The following WDR47 variants were observed in gnomAD, a reference collection of about 807,000 sequenced individuals.
The protein encoded by WDR47 is WD repeat-containing protein 47.
A neutral mutation model predicts 97.2 loss-of-function variants in WDR47; 32 were observed. That is an observed-to-expected ratio of 0.33 (90% CI 0.25 to 0.44). The LOEUF is 0.44. Ranked by LOEUF, WDR47 falls within the 20% of genes least tolerant of loss-of-function variation. The pLI is 1.00. For synonymous variants in WDR47, 375 were observed against 373.5 expected (o/e 1.00, Z -0.05); for missense variants, 782 against 1,102.3 (o/e 0.71, Z 4.11).
chr1:109,041,009 CA>C (rs540629928), intron 1 of WDR47, among the ~76,000 whole-genome samples: 76 of 127,686 alleles, frequency 6.0e-4, no homozygotes, highest in South Asian at 1.0e-3. Context: ...ACCAAGTTGC[CA>C]AAAAAAAAAA....
At chr1:109,012,554 CAG>C (rs1434462407) in intron 4 of WDR47, among the ~76,000 whole-genome samples, 2 of 88,816 alleles carry the variant, frequency 2.3e-5, no homozygotes, top group African/African-American at 9.7e-5. Flanking sequence ...GCCTGGGTGA[CAG>C]TGTGAGACTC....
chr1:109,035,364 G>A (rs891140337), intron 1 of WDR47, among the ~76,000 whole-genome samples: 1 of 151,932 alleles, frequency 6.6e-6, no homozygotes, highest in Non-Finnish European at 1.5e-5. Context: ...CAGGGATCTA[G>A]GAGAAGAAAA....
At chr1:108,998,677 C>T (rs183964177) in intron 7 of WDR47, among the ~76,000 whole-genome samples, 165 of 152,114 alleles carry the variant, frequency 1.1e-3, no homozygotes, top group Non-Finnish European at 1.8e-3. Flanking sequence ...AATAAAATTC[C>T]TATCATGCTA....
chr1:109,012,588 A>AAAC (rs1325494590), intron 4 of WDR47, among the ~76,000 whole-genome samples: 5 of 151,274 alleles, frequency 3.3e-5, no homozygotes, highest in African/African-American at 1.2e-4. Flanking sequence ...AAAAAAAAAA[A>AAAC]AACAGAAAGG....
chr1:108,983,256 C>G (rs1658485853), intron 11 of WDR47, 26 bp downstream of exon 11: 1 of 1,576,142 alleles, frequency 6.3e-7, no homozygotes, highest in African/African-American at 1.4e-5. Context: ...GGTAAGCTAG[C>G]TACTGCTTAC....
At chr1:109,010,671 C>T (rs569321279) in intron 5 of WDR47, among the ~76,000 whole-genome samples, 2 of 150,846 alleles carry the variant, frequency 1.3e-5, no homozygotes, top group Non-Finnish European at 2.9e-5. Context: ...CAAGCTCCCC[C>T]TCCCGGGTTC....
intron 2 of WDR47, among the ~76,000 whole-genome samples, chr1:109,021,214 A>G (rs771401573): frequency 4.6e-5 from 7 of 152,168 alleles, no homozygotes; most frequent in Non-Finnish European, 1.0e-4. Flanking sequence ...ATCTTGTCCT[A>G]AGGAAATAAT....
chr1:109,034,586 C>T (rs1662808104), intron 1 of WDR47, among the ~76,000 whole-genome samples: 2 of 152,140 alleles, frequency 1.3e-5, no homozygotes, highest in African/African-American at 4.8e-5. Flanking sequence ...GTCTGAGTCC[C>T]GCTCCTGTTA....
chr1:109,029,091 C>T (rs1427438737), intron 1 of WDR47, among the ~76,000 whole-genome samples: 1 of 152,174 alleles, frequency 6.6e-6, no homozygotes, highest in Admixed American at 6.6e-5. Context: ...TTAACATACA[C>T]TGAAATTAAT....
chr1:108,994,572 C>T (rs1299736971), intron 8 of WDR47, among the ~76,000 whole-genome samples: 2 of 151,502 alleles, frequency 1.3e-5, no homozygotes, highest in Non-Finnish European at 2.9e-5. Context: ...AGTGAGATCC[C>T]ATCTTAAAAA....
intron 3 of WDR47, among the ~76,000 whole-genome samples, chr1:109,016,789 TAAAAAAA>T (rs71593460): frequency 1.4e-5 from 2 of 142,950 alleles, no homozygotes; most frequent in Non-Finnish European, 3.1e-5. Flanking sequence ...TAGATATAGT[TAAAAAAA>T]AAAACAAAAA....
At chr1:109,017,261 G>A (rs549370839) in intron 3 of WDR47, among the ~76,000 whole-genome samples, 1 of 152,078 alleles carries the variant, frequency 6.6e-6, no homozygotes, top group Non-Finnish European at 1.5e-5. Flanking sequence ...AATTAGCTAG[G>A]CTGATGGTAC....
chr1:108,986,853 A>G (rs758743474), intron 9 of WDR47, 173 bp from the exon 10 acceptor site: 7 of 558,104 alleles, frequency 1.3e-5, no homozygotes, highest in Non-Finnish European at 2.1e-5. Flanking sequence ...ATTAAATCTT[A>G]CTAATATCCT....
At chr1:109,005,750 T>A (rs1660555410) in intron 5 of WDR47, among the ~76,000 whole-genome samples, 1 of 150,530 alleles carries the variant, frequency 6.6e-6, no homozygotes, top group South Asian at 2.1e-4. Context: ...GCGCCTGTAG[T>A]CCCAGCTACT....
intron 4 of WDR47, among the ~76,000 whole-genome samples, chr1:109,011,977 T>C (rs989289789): frequency 1.3e-5 from 2 of 152,116 alleles, no homozygotes; most frequent in African/African-American, 4.8e-5. Flanking sequence ...AGGATCTCAC[T>C]CTGCTGCCCA....
intron 7 of WDR47, among the ~76,000 whole-genome samples, 193 bp from the exon 8 acceptor site, chr1:108,996,030 T>G (rs944832121): frequency 6.6e-6 from 1 of 152,172 alleles, no homozygotes; most frequent in South Asian, 2.1e-4. Flanking sequence ...CATTTTCCCA[T>G]AGTATAACAC....
At chr1:109,036,617 A>T (rs1424352868) in intron 1 of WDR47, among the ~76,000 whole-genome samples, 1 of 151,380 alleles carries the variant, frequency 6.6e-6, no homozygotes, top group African/African-American at 2.4e-5. Flanking sequence ...CAAGCGGATC[A>T]CGGGGTCAGC....
At position 108,986,686 on chromosome 1, in the gene WDR47, G is replaced by C. The variant is rs1472783601; in HGVS notation, c.1768-6C>G. 6.8e-7 allele frequency: 1 copy of C among 1,475,760 alleles called. No homozygotes were observed. Among genetic ancestry groups the C allele is most frequent in the African/African-American group, 2.3e-5 (1 of 43,940 alleles). 91.4% of individuals were successfully genotyped at this position (1,475,760 alleles called of 1,614,324 possible). A position where few individuals can be genotyped will look rare whatever the true frequency, so the allele number is the denominator to read the frequency against. The stretch of plus-strand genomic sequence containing the variant: ...TGCTTTTTTGATTTGTCATCCTATG[G>C]AAAGAATGAATATTAGTTATCCTAT... On this transcript the variant is annotated splice_polypyrimidine_tract_variant and splice_region_variant and intron_variant, in intron 9 of 14. Transcript: ENST00000369962.
chr1:109,036,351 A>G (rs993425084), intron 1 of WDR47, among the ~76,000 whole-genome samples: 26 of 151,802 alleles, frequency 1.7e-4, no homozygotes, highest in African/African-American at 5.3e-4. Flanking sequence ...AGGCAGGTGG[A>G]TCACAAAGTC....
Sources: gnomAD v4.1 joint callset for allele counts (sites outside exome capture counted in the v4.1 genomes callset) on GRCh38, gnomAD v4.1.1 for gene constraint, MANE v1.5 for transcripts, NCBI Gene and HGNC (gene_info 2026-07-23, HGNC 2026-07-21) for gene names.